Variants in DLG2 observed in about 807,000 individuals in gnomAD.
The protein encoded by DLG2 is disks large homolog 2.
A neutral mutation model predicts 132.5 loss-of-function variants in DLG2; 45 were observed. That is an observed-to-expected ratio of 0.34 (90% CI 0.27 to 0.44). The LOEUF (loss-of-function observed/expected upper bound fraction) is 0.44. DLG2 is among the 20% of genes least tolerant of loss of function. The pLI is 1.00. For missense variants in DLG2, 1,045 were observed against 1,196.9 expected (o/e 0.87, Z 1.87); for synonymous variants, 424 against 419.6 (o/e 1.01, Z -0.13).
chr11:84,821,687 A>G (rs1310335897), intron 6 of DLG2, among the ~76,000 whole-genome samples: 1 of 150,706 alleles, frequency 6.6e-6, no homozygotes, highest in African/African-American at 2.4e-5. Context: ...TTAAACTTCT[A>G]GTCATTTTTT....
chr11:84,668,670 G>A (rs529839380), intron 6 of DLG2, among the ~76,000 whole-genome samples: 31 of 152,188 alleles, frequency 2.0e-4, no homozygotes, highest in Middle Eastern at 6.8e-3. Context: ...GGTTTCTAGC[G>A]TGTCTTTCTA....
intron 18 of DLG2, among the ~76,000 whole-genome samples, chr11:83,744,390 A>G (rs1332606142): frequency 6.6e-6 from 1 of 152,238 alleles, no homozygotes; most frequent in Non-Finnish European, 1.5e-5. Context: ...GGTCCTACAC[A>G]TAAGTACAGG....
At chr11:84,297,909 G>A (rs1041635609) in intron 7 of DLG2, among the ~76,000 whole-genome samples, 1 of 151,902 alleles carries the variant, frequency 6.6e-6, no homozygotes, top group African/African-American at 2.4e-5. Flanking sequence ...CACCACCCAA[G>A]AATTGTCATA....
At position 85,478,174 on chromosome 11, in the gene DLG2, C is replaced by T. The variant is rs552501661; in HGVS notation, c.40+120483G>A. ...AGGCTTTGTCACCATGCCCTACTAA[C>T]TTATTTTATTTATTTATTTATTTAT... is the stretch of plus-strand genomic sequence containing the variant. On this transcript the variant is annotated intron_variant, in intron 3 of 27. Coordinates refer to ENST00000376104, the MANE Select transcript of DLG2 (RefSeq NM_001142699.3). 1.3e-3 allele frequency among the ~76,000 whole-genome samples: 192 copies of T among 152,014 alleles called. 3 individuals are homozygous for T. The highest frequency in any genetic ancestry group is 1.7e-3 in the Admixed American group (26 of 15,242).
chr11:84,469,472 A>G (rs912622682), intron 7 of DLG2, among the ~76,000 whole-genome samples: 1 of 151,644 alleles, frequency 6.6e-6, no homozygotes, highest in Non-Finnish European at 1.5e-5. Flanking sequence ...GCAAAAAGTA[A>G]GACATGGTAG....
chr11:84,539,736 C>T, intron 6 of DLG2, among the ~76,000 whole-genome samples: 1 of 152,126 alleles, frequency 6.6e-6, no homozygotes, highest in South Asian at 2.1e-4. Context: ...CAAAGAGGAG[C>T]CCACATTGCC....
At chr11:83,481,316 C>T (rs1475200147) in intron 22 of DLG2, among the ~76,000 whole-genome samples, 1 of 151,936 alleles carries the variant, frequency 6.6e-6, no homozygotes, top group Non-Finnish European at 1.5e-5. Flanking sequence ...ATCCATACTG[C>T]TTGTTAAGTT....
intron 16 of DLG2, among the ~76,000 whole-genome samples, chr11:83,857,510 G>T (rs2060723309): frequency 6.6e-6 from 1 of 152,090 alleles, no homozygotes; most frequent in Non-Finnish European, 1.5e-5. Context: ...TACTTAACAA[G>T]AAGATCATCC....
chr11:84,512,806 C>T (rs1229032247), intron 7 of DLG2, among the ~76,000 whole-genome samples: 1 of 151,940 alleles, frequency 6.6e-6, no homozygotes, highest in Non-Finnish European at 1.5e-5. Flanking sequence ...ACTACACAGC[C>T]ATAAAAAAGA....
At chr11:85,020,142 T>A (rs1167270273) in intron 6 of DLG2, among the ~76,000 whole-genome samples, 1 of 152,214 alleles carries the variant, frequency 6.6e-6, no homozygotes, top group Admixed American at 6.5e-5. Flanking sequence ...GTTTCCTGAC[T>A]TTTTAATGAT....
Position 85,303,374 on chromosome 11 carries a change from C to A in DLG2, c.41-18009G>T, listed in dbSNP as rs1181519737. On this transcript the variant is annotated intron_variant, in intron 3 of 27. Coordinates refer to ENST00000376104, the MANE Select transcript of DLG2 (RefSeq NM_001142699.3). ...CATTATCACTCTTTGTTCATTTTGA[C>A]CATGAGAAATGATGATAATAATAGC... Among the ~76,000 whole-genome samples the A allele has an allele frequency of 3.3e-5, 5 of 151,966 alleles. No individual in the cohort carries two copies. In the East Asian group the frequency reaches 9.7e-4, roughly 29 times the overall value.
At chr11:84,893,780 A>G (rs2089793365) in intron 6 of DLG2, among the ~76,000 whole-genome samples, 1 of 152,194 alleles carries the variant, frequency 6.6e-6, no homozygotes, top group Non-Finnish European at 1.5e-5. Flanking sequence ...GTAACTGTGT[A>G]AGTAGATGCT....
intron 3 of DLG2, among the ~76,000 whole-genome samples, chr11:85,435,337 A>C (rs1054398500): frequency 1.3e-5 from 2 of 152,148 alleles, no homozygotes; most frequent in Non-Finnish European, 2.9e-5. Flanking sequence ...AAATAAATAA[A>C]CGGTACTCAA....
intron 3 of DLG2, chr11:85,286,085 A>AAAGTACTG (rs769677400): frequency 4.5e-6 from 2 of 445,996 alleles, no homozygotes; most frequent in African/African-American, 4.1e-5. Context: ...CAGGAAAAAA[A>AAAGTACTG]AAGTACTGAC....
chr11:84,570,780 T>C (rs1208228382), intron 6 of DLG2, among the ~76,000 whole-genome samples: 1 of 152,184 alleles, frequency 6.6e-6, no homozygotes, highest in Non-Finnish European at 1.5e-5. Flanking sequence ...AGAAAATATA[T>C]TTTGGTGCCT....
intron 6 of DLG2, among the ~76,000 whole-genome samples, chr11:84,811,928 C>A (rs2076602123): frequency 6.6e-6 from 1 of 152,046 alleles, no homozygotes; most frequent in Non-Finnish European, 1.5e-5. Context: ...CAGGAAGATA[C>A]AGTGAGTGGG....
At chr11:84,260,156 C>T (rs1426431671) in intron 7 of DLG2, among the ~76,000 whole-genome samples, 1 of 151,686 alleles carries the variant, frequency 6.6e-6, no homozygotes, top group African/African-American at 2.4e-5. Flanking sequence ...TTTTCTAGTG[C>T]AGAAATGATG....
In DLG2 at chr11:85,584,404, G is replaced by A. The variant is rs1305856493; in HGVS notation, c.40+14253C>T. 5.4e-5 allele frequency among the ~76,000 whole-genome samples: 8 copies of A among 149,272 alleles called. No homozygotes were observed. The East Asian group carries it at 6.0e-4, about 11-fold the overall frequency. On this transcript the variant is annotated intron_variant, in intron 3 of 27. Coordinates refer to ENST00000376104, the MANE Select transcript of DLG2 (RefSeq NM_001142699.3). ...TGTATCACATTTTCTTTATCCACTC[G>A]TTGGTTGATGGGCATTTAGGCTGGT...
At chr11:83,873,421 T>C (rs1011269910) in intron 16 of DLG2, among the ~76,000 whole-genome samples, 3 of 152,160 alleles carry the variant, frequency 2.0e-5, no homozygotes, top group African/African-American at 7.2e-5. Context: ...CCATACTGTT[T>C]TCATGACAGT....
Sources: gnomAD v4.1 joint callset for allele counts (sites outside exome capture counted in the v4.1 genomes callset) on GRCh38, gnomAD v4.1.1 for gene constraint, MANE v1.5 for transcripts, NCBI Gene and HGNC (gene_info 2026-07-23, HGNC 2026-07-21) for gene names.